Variants in RYR3 observed in about 807,000 individuals in gnomAD.
RYR3 encodes the protein ryanodine receptor 3.
RYR3 carries 207 observed loss-of-function variants against 584.3 expected under a neutral mutation model. The observed-to-expected ratio is 0.35, with a 90% CI of 0.32 to 0.40. The LOEUF (loss-of-function observed/expected upper bound fraction) is 0.40. RYR3 is among the 10% of genes least tolerant of loss of function. RYR3 has a pLI of 1.00. For synonymous variants in RYR3, 2,416 were observed against 2,248.5 expected, an observed-to-expected ratio of 1.07 and a Z score of -2.11; for missense variants, 5,616 against 6,089.2, an observed-to-expected ratio of 0.92 and a Z score of 2.59.
intron 19 of RYR3, among the ~76,000 whole-genome samples, chr15:33,616,006 C>T (rs981681975): frequency 2.6e-5 from 4 of 152,206 alleles, no homozygotes; most frequent in African/African-American, 9.6e-5. Context: ...AACAAGGTTA[C>T]TCTGAGTAGT....
intron 43 of RYR3, among the ~76,000 whole-genome samples, chr15:33,709,816 G>A (rs765840672): frequency 6.6e-6 from 1 of 152,172 alleles, no homozygotes; most frequent in Non-Finnish European, 1.5e-5. Context: ...CCTTAGTCTG[G>A]AGGGTAGATG....
intron 93 of RYR3, among the ~76,000 whole-genome samples, chr15:33,846,181 G>T (rs2078713132): frequency 1.4e-5 from 2 of 147,596 alleles, no homozygotes. Context: ...CTTCTTGCAT[G>T]ATGGCTTGGG....
At chr15:33,630,117 G>C (rs1055825056) in intron 22 of RYR3, 74 bp downstream of exon 22, 47 of 787,064 alleles carry the variant, frequency 6.0e-5, no homozygotes, top group Non-Finnish European at 8.6e-5. Context: ...AAACTGCAAA[G>C]ATATGTCTCT....
intron 2 of RYR3, among the ~76,000 whole-genome samples, chr15:33,496,608 A>C (rs182749734): frequency 6.6e-5 from 10 of 152,316 alleles, no homozygotes; most frequent in African/African-American, 2.4e-4. Context: ...CAATTAATGA[A>C]ATTTTAAACA....
At chr15:33,818,532 C>G (rs375573337) in intron 75 of RYR3, 46 bp from the exon 76 acceptor site, 1 of 1,409,990 alleles carries the variant, frequency 7.1e-7, no homozygotes, top group Admixed American at 1.7e-5. Context: ...TCACGTGGCA[C>G]GAGATTAAAT....
chr15:33,798,550 C>T (rs551486847), intron 67 of RYR3, among the ~76,000 whole-genome samples: 1 of 152,330 alleles, frequency 6.6e-6, no homozygotes, highest in African/African-American at 2.4e-5. Flanking sequence ...GCTATCTGAT[C>T]CCTTCTTAGA....
At chr15:33,792,875 C>T (rs1336530595) in intron 67 of RYR3, among the ~76,000 whole-genome samples, 1 of 152,142 alleles carries the variant, frequency 6.6e-6, no homozygotes, top group African/African-American at 2.4e-5. Flanking sequence ...TTCTCCAACA[C>T]CAATTGGGTA....
chr15:33,391,912 A>G (rs1166341675), intron 1 of RYR3, among the ~76,000 whole-genome samples: 1 of 152,060 alleles, frequency 6.6e-6, no homozygotes, highest in Admixed American at 6.5e-5. Context: ...TCTGCCTGGG[A>G]CAATATTCCA....
intron 10 of RYR3, among the ~76,000 whole-genome samples, chr15:33,554,925 C>T (rs2056967708): frequency 6.6e-6 from 1 of 152,026 alleles, no homozygotes; most frequent in Admixed American, 6.5e-5. Flanking sequence ...TATATATAGC[C>T]GCTTTTTGTA....
intron 60 of RYR3, 56 bp downstream of exon 60, chr15:33,757,652 C>CCA: frequency 6.4e-7 from 1 of 1,572,214 alleles, no homozygotes; most frequent in Non-Finnish European, 8.7e-7. Context: ...ACTTAAAATG[C>CCA]CAGGTCCCTG....
intron 44 of RYR3, among the ~76,000 whole-genome samples, chr15:33,723,366 A>AAAT (rs1471029775): frequency 1.3e-5 from 2 of 152,216 alleles, no homozygotes; most frequent in East Asian, 1.9e-4. Context: ...ATAAATAAAT[A>AAAT]AATAAATAAA....
rs1213712177 is a variant in RYR3 at position 33,836,883 on chromosome 15, G to A, written c.11569-23G>A. The stretch of plus-strand genomic sequence containing the variant: ...TTACTGAGGGATCAGATAGCTCAGG[G>A]GTATCTCCTGTTTCTGTTCTAGGAT... On this transcript the variant is annotated intron_variant, in intron 87 of 103. Coordinates refer to ENST00000634891, the MANE Select transcript of RYR3 (RefSeq NM_001036.6). 4 of 1,600,688 alleles carry A rather than the reference G, an allele frequency of 2.5e-6. No homozygotes were observed. The Admixed American group carries it at 5.1e-5, about 20-fold the overall frequency.
At chr15:33,515,927 T>A (rs541813994) in intron 3 of RYR3, among the ~76,000 whole-genome samples, 4 of 152,340 alleles carry the variant, frequency 2.6e-5, no homozygotes, top group African/African-American at 7.2e-5. Context: ...CACTTCGCAC[T>A]TCCTCACATT....
chr15:33,635,808 G>T lies in RYR3; in HGVS notation c.3370G>T (p.Glu1124Ter). The change falls in exon 26 of 104, where the codon GAA becomes TAA. Residue 1124 changes from glutamate (E) to a stop codon, truncating the protein, a stop_gained. Coordinates refer to ENST00000634891, the MANE Select transcript of RYR3 (RefSeq NM_001036.6). LOFTEE classifies it high-confidence loss of function. ...LGADDQAFVF[E>*]GNRGQRWHQG... ...GGCCGATGACCAAGCCTTTGTGTTT[G>T]AAGGCAACAGGGTGAGTTTATATAT... The T allele has an allele frequency of 1.2e-6, 2 of 1,611,976 alleles. No homozygotes were observed.
chr15:33,691,502 C>G (rs1485299656), intron 38 of RYR3, among the ~76,000 whole-genome samples: 1 of 152,108 alleles, frequency 6.6e-6, no homozygotes, highest in Non-Finnish European at 1.5e-5. Context: ...AAGTGAAAGG[C>G]TTACTTTTTT....
intron 13 of RYR3, among the ~76,000 whole-genome samples, chr15:33,580,716 T>C (rs2058545539): frequency 6.6e-6 from 1 of 152,084 alleles, no homozygotes; most frequent in African/African-American, 2.4e-5. Context: ...GACTCGGAGA[T>C]GTGATGATTT....
intron 47 of RYR3, among the ~76,000 whole-genome samples, chr15:33,730,159 T>C (rs973257657): frequency 1.5e-5 from 2 of 136,166 alleles, no homozygotes; most frequent in Admixed American, 1.5e-4. Flanking sequence ...CTGCCACTGC[T>C]GTTGTTTTGA....
chr15:33,474,211 G>C (rs1364346588), intron 2 of RYR3, among the ~76,000 whole-genome samples: 1 of 152,190 alleles, frequency 6.6e-6, no homozygotes, highest in Non-Finnish European at 1.5e-5. Context: ...GGGTTCTCCA[G>C]AGAAACAAAG....
chr15:33,371,958 A>G (rs964321173), intron 1 of RYR3, among the ~76,000 whole-genome samples: 18 of 152,336 alleles, frequency 1.2e-4, no homozygotes, highest in African/African-American at 4.3e-4. Context: ...CCAAGATGCA[A>G]AGACCTGGAA....
Sources: allele counts gnomAD v4.1 joint callset (sites outside exome capture counted in the v4.1 genomes callset), GRCh38; gene constraint gnomAD v4.1.1; transcripts MANE v1.5; gene names NCBI Gene and HGNC (gene_info 2026-07-23, HGNC 2026-07-21).